The following RCAN1 variants were observed in gnomAD, a reference collection of about 807,000 sequenced individuals.
The protein encoded by RCAN1 is calcipressin-1.
RCAN1 carries 11 observed loss-of-function variants against 22.9 expected under a neutral mutation model. The observed-to-expected ratio is 0.48, with a 90% confidence interval of 0.30 to 0.79. RCAN1 has a LOEUF of 0.79. Among genes scored for constraint, RCAN1 ranks in the 30% least tolerant of loss-of-function variants. The probability of loss-of-function intolerance (pLI) is 0.06; values close to 1 mark genes in which losing one functional copy is unlikely to be tolerated. For missense variants in RCAN1, 291 were observed against 337.8 expected (o/e 0.86, Z 1.09); for synonymous variants, 136 against 142.3 (o/e 0.96, Z 0.32).
At chr21:34,522,166 C>T (rs73367114) in intron 2 of RCAN1, 5,605 of 148,744 alleles carry the variant, frequency 0.038, 230 homozygotes, top group African/African-American at 0.098. Context: ...CCTCCCTCTC[C>T]GGGACTCTGG....
In RCAN1 at chr21:34,557,308, C is replaced by G. The variant is rs527511373; in HGVS notation, c.253-33598G>C. 2.6e-5 allele frequency among the ~76,000 whole-genome samples: 4 copies of G among 152,342 alleles called. No homozygotes were observed. The East Asian group carries it at 7.7e-4, about 29-fold the overall frequency. ...AATGTCCATTCGGCTAGATAAGCCA[C>G]ATGGACACCTCACACTTGGATAGCT... On this transcript the variant is annotated intron_variant, in intron 1 of 3. Coordinates refer to ENST00000313806, the MANE Select transcript of RCAN1 (RefSeq NM_004414.7).
intron 1 of RCAN1, among the ~76,000 whole-genome samples, chr21:34,604,864 T>C (rs1329588028): frequency 6.6e-6 from 1 of 152,170 alleles, no homozygotes; most frequent in African/African-American, 2.4e-5. Context: ...ACCCAAAAGG[T>C]ATTTGTTGAA....
At position 34,585,998 on chromosome 21, in the gene RCAN1, C is replaced by T. The variant is rs188852376; in HGVS notation, c.252+28762G>A. On this transcript the variant is annotated intron_variant, in intron 1 of 3. Coordinates refer to ENST00000313806, the MANE Select transcript of RCAN1 (RefSeq NM_004414.7). Reference sequence around the variant, plus strand: ...CAATTTGCCAGGCTGATACAACAATCCTAAATCTGTATATATCCAATAATA... The same window carrying T: ...CAATTTGCCAGGCTGATACAACAATTCTAAATCTGTATATATCCAATAATA... Among the ~76,000 whole-genome samples, 8 of 152,146 alleles carry T rather than the reference C, an allele frequency of 5.3e-5. No homozygotes were observed. The East Asian group carries it at 1.5e-3, about 29-fold the overall frequency.
In RCAN1 at chr21:34,517,730, T is replaced by C. The variant is rs562467340; in HGVS notation, c.*354A>G. 2.7e-4 allele frequency: 54 copies of C among 202,504 alleles called. No homozygotes were observed. The highest frequency in any genetic ancestry group is 1.2e-3 in the African/African-American group (52 of 43,236). 12.5% of individuals were successfully genotyped at this position (202,504 alleles called of 1,614,324 possible). ...TGCAGGCCACTTAGAAACAGGAAGC[T>C]CTCTCCTGAGCTCACTGATCAACCT... is the stretch of plus-strand genomic sequence containing the variant. On this transcript the variant is annotated 3_prime_UTR_variant, in exon 4 of 4. Coordinates refer to ENST00000313806, the MANE Select transcript of RCAN1 (RefSeq NM_004414.7).
Position 34,550,985 on chromosome 21 carries a change from T to C in RCAN1, c.253-27275A>G, listed in dbSNP as rs117293117. On this transcript the variant is annotated intron_variant, in intron 1 of 3. Transcript: ENST00000313806. ...CCAAGCTGTAAGTAACTCATTCACA[T>C]ATGCACAACTCAATGCACATAACTC... Among the ~76,000 whole-genome samples the C allele has an allele frequency of 6.8e-3, 1,035 of 152,364 alleles. 8 individuals carry two copies. The highest frequency in any genetic ancestry group is 0.024 in the Middle Eastern group (7 of 294).
intron 1 of RCAN1, among the ~76,000 whole-genome samples, chr21:34,597,381 A>C (rs2123719930): frequency 6.6e-6 from 1 of 152,360 alleles, no homozygotes; most frequent in African/African-American, 2.4e-5. Context: ...TGCAGTGGAC[A>C]GTGCGGATAC....
chr21:34,526,654 A>C, intron 1 of RCAN1: 2 of 1,611,070 alleles, frequency 1.2e-6, no homozygotes, highest in Non-Finnish European at 1.7e-6. Context: ...GTTATATTAG[A>C]AGCCTTACCC....
chr21:34,537,832 G>A (rs1040053225), intron 1 of RCAN1, among the ~76,000 whole-genome samples: 2 of 151,886 alleles, frequency 1.3e-5, no homozygotes, highest in African/African-American at 2.4e-5. Context: ...GTAATTGTGT[G>A]TGTGTGTGTG....
Position 34,518,112 on chromosome 21 carries a change from G to A in RCAN1, c.731C>T (p.Pro244Leu), listed in dbSNP as rs1351199480. ...PKPKIIQTRR[P>L]EYTPIHLS ...GCTGAGGTGGATCGGCGTGTACTCC[G>A]GCCTCCTGGTCTGGATAATTTTTGG... Residue 244 changes from proline (P) to leucine (L), a missense_variant, in exon 4 of 4, where the codon CCG becomes CTG. Pro to Leu is a moderately conservative substitution (Grantham distance 98). Coordinates refer to ENST00000313806, the MANE Select transcript of RCAN1 (RefSeq NM_004414.7). This position sits in a 1 kb window ranked among gnomAD's most constrained non-coding sequence, Gnocchi z 4.2. 3.1e-5 allele frequency: 50 copies of A among 1,614,042 alleles called. No individual in the cohort carries two copies. The highest frequency in any genetic ancestry group is 4.0e-5 in the Non-Finnish European group (47 of 1,180,040).
chr21:34,533,099 T>C (rs1313564747), intron 1 of RCAN1, among the ~76,000 whole-genome samples: 2 of 151,524 alleles, frequency 1.3e-5, no homozygotes, highest in East Asian at 1.9e-4. Context: ...TAGCTGGGAC[T>C]ACAGGTGCCC....
chr21:34,584,668 A>T (rs1987730728), intron 1 of RCAN1, among the ~76,000 whole-genome samples: 1 of 152,236 alleles, frequency 6.6e-6, no homozygotes, highest in Admixed American at 6.5e-5. Flanking sequence ...GAAAACTACA[A>T]AGGACACAGA....
chr21:34,540,565 A>G (rs942052886), intron 1 of RCAN1, among the ~76,000 whole-genome samples: 1 of 152,218 alleles, frequency 6.6e-6, no homozygotes, highest in African/African-American at 2.4e-5. Flanking sequence ...AACTAAGGGT[A>G]GACCAAGCCA....
At chr21:34,547,158 A>C (rs996458674) in intron 1 of RCAN1, among the ~76,000 whole-genome samples, 9 of 152,186 alleles carry the variant, frequency 5.9e-5, no homozygotes, top group African/African-American at 2.2e-4. Flanking sequence ...GATTCAGCGA[A>C]GGGTTCGGGT....
intron 1 of RCAN1, among the ~76,000 whole-genome samples, chr21:34,528,412 T>C (rs2123596551): frequency 6.6e-6 from 1 of 152,312 alleles, no homozygotes; most frequent in East Asian, 1.9e-4. Context: ...ACTCCCAACC[T>C]GAAAAGACAT....
intron 1 of RCAN1, among the ~76,000 whole-genome samples, chr21:34,611,498 C>CAAAAGA (rs1988686767): frequency 6.6e-6 from 1 of 152,106 alleles, no homozygotes. Context: ...AATTCTAGTT[C>CAAAAGA]AGGTTAATTT....
intron 1 of RCAN1, among the ~76,000 whole-genome samples, chr21:34,554,693 T>C (rs1568905246): frequency 6.6e-6 from 1 of 152,208 alleles, no homozygotes; most frequent in African/African-American, 2.4e-5. Flanking sequence ...TAAATAGATG[T>C]ATATTAGTCC....
At chr21:34,586,420 G>A (rs1413342330) in intron 1 of RCAN1, among the ~76,000 whole-genome samples, 3 of 151,550 alleles carry the variant, frequency 2.0e-5, no homozygotes, top group African/African-American at 7.3e-5. Context: ...TATGAACAAA[G>A]TGATACATTT....
chr21:34,612,578 T>G (rs1389947527), intron 1 of RCAN1, among the ~76,000 whole-genome samples: 1 of 152,246 alleles, frequency 6.6e-6, no homozygotes, highest in Admixed American at 6.5e-5. Context: ...CCTGAAAGGA[T>G]GACCCAACCT....
chr21:34,541,499 G>A (rs1352491150), intron 1 of RCAN1, among the ~76,000 whole-genome samples: 3 of 152,194 alleles, frequency 2.0e-5, no homozygotes, highest in Non-Finnish European at 4.4e-5. Context: ...TTTTATTAAA[G>A]GACATATATA....
Sources: gnomAD v4.1 joint callset for allele counts (sites outside exome capture counted in the v4.1 genomes callset) on GRCh38, gnomAD v4.1.1 for gene constraint, Gnocchi (gnomAD v3.1) non-coding constraint, MANE v1.5 for transcripts, NCBI Gene and HGNC (gene_info 2026-07-23, HGNC 2026-07-21) for gene names.